LPIN1: variants seen among roughly 807,000 people sequenced by gnomAD.
LPIN1 encodes lipin 1.
A neutral mutation model predicts 107.5 loss-of-function variants in LPIN1; 71 were observed. The observed-to-expected ratio is 0.66, with a 90% CI of 0.55 to 0.80. The LOEUF is 0.80. Among genes scored for constraint, LPIN1 ranks in the 30% least tolerant of loss-of-function variants. The pLI is 0.00. For missense variants in LPIN1, 1,043 were observed against 1,160.6 expected (o/e 0.90, Z 1.47); for synonymous variants, 445 against 452.6 (o/e 0.98, Z 0.21).
chr2:11,798,775 TAA>T (rs780195460), intron 14 of LPIN1, among the ~76,000 whole-genome samples: 24 of 131,396 alleles, frequency 1.8e-4, no homozygotes, highest in East Asian at 4.3e-4. Context: ...TGCAGTTGAC[TAA>T]AAAAAAAAAA....
intron 1 of LPIN1, among the ~76,000 whole-genome samples, chr2:11,696,046 C>CTTTTTTTTTTTTTT (rs531347349): frequency 7.9e-6 from 1 of 126,088 alleles, no homozygotes; most frequent in African/African-American, 3.3e-5. Flanking sequence ...GCTGACTCTC[C>CTTTTTTTTTTTTTT]TTTTTTTTTT....
At position 11,708,317 on chromosome 2, in the gene LPIN1, G is replaced by A. The variant is rs574592163; in HGVS notation, c.82-5439G>A. On this transcript the variant is annotated intron_variant, in intron 1 of 21. Coordinates refer to the LPIN1 transcript ENST00000449576. ...GAGGGTGATTATTTGCCAAGGGGGG[G>A]ACTCTGAGAAGGCCCCATGGAGAGC... Among the ~76,000 whole-genome samples, 5 of 152,176 alleles carry A rather than the reference G, an allele frequency of 3.3e-5. No homozygotes were observed. The East Asian group carries it at 7.7e-4, about 23-fold the overall frequency.
intron 17 of LPIN1, among the ~76,000 whole-genome samples, chr2:11,807,750 C>T (rs1678962565): frequency 6.6e-6 from 1 of 152,152 alleles, no homozygotes; most frequent in South Asian, 2.1e-4. Context: ...GTTGTCCGCG[C>T]ACCCAGTCAG....
At chr2:11,677,815 G>T in intron 1 of LPIN1, 1 of 1,191,510 alleles carries the variant, frequency 8.4e-7, no homozygotes, top group South Asian at 1.3e-5. Flanking sequence ...GATGGGACCC[G>T]GGGAACATTT....
At chr2:11,823,614 T>G (rs1204405306) in intron 20 of LPIN1, among the ~76,000 whole-genome samples, 1 of 152,110 alleles carries the variant, frequency 6.6e-6, no homozygotes, top group African/African-American at 2.4e-5. Flanking sequence ...TCTTAGCAAT[T>G]TGGAACTAGA....
At chr2:11,795,588 A>T (rs949021042) in intron 14 of LPIN1, 101 bp downstream of exon 14, 9 of 1,079,802 alleles carry the variant, frequency 8.3e-6, no homozygotes, top group Non-Finnish European at 1.3e-5. Context: ...CACAGTTCCA[A>T]CTCTGGCTCT....
At chr2:11,813,174 A>G (rs1053324843) in intron 17 of LPIN1, among the ~76,000 whole-genome samples, 5 of 152,074 alleles carry the variant, frequency 3.3e-5, no homozygotes, top group Non-Finnish European at 5.9e-5. Context: ...CGTACTGCGC[A>G]GTGGGTGTAA....
intron 1 of LPIN1, among the ~76,000 whole-genome samples, chr2:11,725,919 A>G (rs1572418642): frequency 6.6e-6 from 1 of 152,200 alleles, no homozygotes; most frequent in East Asian, 1.9e-4. Context: ...ATAAAGCTAC[A>G]AGGACTCTCA....
chr2:11,806,144 G>T (rs1334189738), intron 17 of LPIN1, among the ~76,000 whole-genome samples: 2 of 152,206 alleles, frequency 1.3e-5, no homozygotes, highest in Admixed American at 6.5e-5. Context: ...TGTCAAGACG[G>T]AAGTGTCAGG....
At chr2:11,686,192 G>A (rs945926262) in intron 1 of LPIN1, among the ~76,000 whole-genome samples, 1 of 152,204 alleles carries the variant, frequency 6.6e-6, no homozygotes, top group Non-Finnish European at 1.5e-5. Flanking sequence ...AGGTGAGCGT[G>A]CCTAGGTCTT....
chr2:11,788,469 A>T lies in LPIN1; in HGVS notation c.1713+13A>T. On this transcript the variant is annotated intron_variant, in intron 12 of 20. Transcript: ENST00000674199. ...ACCTTTGCCAAAGGTGAGCTTTAAC[A>T]TGAGAAAGAAAAGGGGATGCTAGAA... 6.2e-7 allele frequency: 1 copy of T among 1,604,270 alleles called. No homozygotes were observed. The highest frequency in any genetic ancestry group is 8.5e-7 in the Non-Finnish European group (1 of 1,171,032).
chr2:11,826,570 C>T lies in LPIN1; in HGVS notation c.*1779C>T, dbSNP rs1485401040. On this transcript the variant is annotated 3_prime_UTR_variant, in exon 21 of 21. Coordinates refer to ENST00000674199, the MANE Select transcript of LPIN1 (RefSeq NM_001349206.2). ...CTTAACTAACTCCTCTGCGCTTGTT[C>T]ACTAGTAACCTAAAGAGGCTATATT... The T allele has an allele frequency of 6.8e-6, 1 of 147,076 alleles. No homozygotes were observed. The highest frequency in any genetic ancestry group is 2.0e-4 in the East Asian group (1 of 5,024). 9.1% of individuals were successfully genotyped at this position (147,076 alleles called of 1,614,324 possible).
chr2:11,696,105 G>T (rs1662562619), intron 1 of LPIN1, among the ~76,000 whole-genome samples: 1 of 143,970 alleles, frequency 6.9e-6, no homozygotes, highest in South Asian at 2.2e-4. Context: ...CGGAGAACAT[G>T]CAGGTTTGTT....
intron 1 of LPIN1, among the ~76,000 whole-genome samples, chr2:11,733,574 C>T (rs1665487625): frequency 6.6e-6 from 1 of 151,928 alleles, no homozygotes; most frequent in Admixed American, 6.6e-5. Flanking sequence ...TCACTGCAAC[C>T]TCCACCTCCT....
intron 11 of LPIN1, among the ~76,000 whole-genome samples, 190 bp from the exon 12 acceptor site, chr2:11,788,197 C>T (rs992639060): frequency 3.3e-5 from 5 of 152,106 alleles, no homozygotes; most frequent in Admixed American, 1.3e-4. Context: ...CTCAACTGGC[C>T]GCTGGGGTGA....
At chr2:11,795,290 T>G in intron 13 of LPIN1, 118 bp from the exon 14 acceptor site, 1 of 824,328 alleles carries the variant, frequency 1.2e-6, no homozygotes, top group Non-Finnish European at 2.1e-6. Context: ...GTGGGCGTCA[T>G]TGGGGAATGG....
chr2:11,725,791 C>T (rs1027516086), intron 1 of LPIN1, among the ~76,000 whole-genome samples: 8 of 152,154 alleles, frequency 5.3e-5, no homozygotes, highest in Non-Finnish European at 1.2e-4. Flanking sequence ...CAGGGAAACA[C>T]GTGGGCACAA....
At chr2:11,705,593 C>T (rs1353281965) in intron 1 of LPIN1, among the ~76,000 whole-genome samples, 1 of 151,968 alleles carries the variant, frequency 6.6e-6, no homozygotes, top group Non-Finnish European at 1.5e-5. Context: ...CCAGTGGAAG[C>T]GTGTCTCGGA....
intron 1 of LPIN1, among the ~76,000 whole-genome samples, chr2:11,734,007 C>T (rs1202979965): frequency 6.6e-6 from 1 of 152,234 alleles, no homozygotes; most frequent in African/African-American, 2.4e-5. Flanking sequence ...CAAAGCCAAC[C>T]TTTCTGATGT....
Sources: allele counts gnomAD v4.1 joint callset (sites outside exome capture counted in the v4.1 genomes callset), GRCh38; gene constraint gnomAD v4.1.1; transcripts MANE v1.5; gene names NCBI Gene and HGNC (gene_info 2026-07-23, HGNC 2026-07-21).